Variants in CSNK1G3 observed in about 807,000 individuals in gnomAD.
CSNK1G3 encodes the protein casein kinase I isoform gamma-3.
A neutral mutation model predicts 64.3 loss-of-function variants in CSNK1G3; 23 were observed. That is an observed-to-expected ratio of 0.36 (90% CI 0.26 to 0.51). The LOEUF (loss-of-function observed/expected upper bound fraction) is 0.51. Ranked by LOEUF, CSNK1G3 falls within the 20% of genes least tolerant of loss-of-function variation. The pLI is 0.96. For missense variants in CSNK1G3, 357 were observed against 510.5 expected, an observed-to-expected ratio of 0.70 and a Z score of 2.90; for synonymous variants, 158 against 162.2, an observed-to-expected ratio of 0.97 and a Z score of 0.20.
At chr5:123,606,146 T>C (rs763552190) in intron 12 of CSNK1G3, among the ~76,000 whole-genome samples, 17 of 152,112 alleles carry the variant, frequency 1.1e-4, no homozygotes, top group Non-Finnish European at 2.1e-4. Flanking sequence ...TAGGAAACTT[T>C]TGTGGATTTT....
chr5:123,564,381 A>G (rs1786408706), intron 4 of CSNK1G3, among the ~76,000 whole-genome samples: 2 of 152,130 alleles, frequency 1.3e-5, no homozygotes, highest in Non-Finnish European at 2.9e-5. Context: ...ATATTACTAA[A>G]TATACATAAT....
chr5:123,583,892 A>G (rs530196446), intron 6 of CSNK1G3, among the ~76,000 whole-genome samples: 253 of 151,840 alleles, frequency 1.7e-3, no homozygotes, highest in African/African-American at 5.8e-3. Context: ...GGGTTTCTCT[A>G]TGTTGCCCAA....
At chr5:123,593,291 A>G (rs1792785399) in intron 10 of CSNK1G3, among the ~76,000 whole-genome samples, 1 of 151,944 alleles carries the variant, frequency 6.6e-6, no homozygotes, top group Non-Finnish European at 1.5e-5. Flanking sequence ...GGATGTGAAT[A>G]TACACACTTT....
At chr5:123,588,496 T>A (rs1294384187) in exon 8 of CSNK1G3, 1 of 1,608,808 alleles carries the variant, frequency 6.2e-7, no homozygotes, top group African/African-American at 1.3e-5. Flanking sequence ...AGAAGTGTTA[T>A]GTGAAAATTT....
chr5:123,513,489 T>G (rs1203985392), intron 1 of CSNK1G3, among the ~76,000 whole-genome samples: 4 of 152,190 alleles, frequency 2.6e-5, no homozygotes, highest in African/African-American at 9.7e-5. Context: ...TCAACTCTTT[T>G]GTAGTAAGCA....
At chr5:123,534,459 C>A (rs1019789421) in intron 1 of CSNK1G3, among the ~76,000 whole-genome samples, 1 of 151,986 alleles carries the variant, frequency 6.6e-6, no homozygotes, top group Non-Finnish European at 1.5e-5. Flanking sequence ...GGTTATGCTA[C>A]CTTATATAAT....
intron 1 of CSNK1G3, among the ~76,000 whole-genome samples, chr5:123,518,541 T>C (rs765710110): frequency 1.3e-5 from 2 of 152,196 alleles, no homozygotes; most frequent in South Asian, 2.1e-4. Flanking sequence ...AATGGATCTC[T>C]CTCTCTCTTT....
intron 1 of CSNK1G3, among the ~76,000 whole-genome samples, chr5:123,515,301 G>T (rs892274645): frequency 6.6e-6 from 1 of 152,108 alleles, no homozygotes; most frequent in Non-Finnish European, 1.5e-5. Context: ...CGGTTGTTTT[G>T]TTCCAAAGGG....
chr5:123,560,493 A>T (rs1182717238), intron 4 of CSNK1G3, among the ~76,000 whole-genome samples: 1 of 152,214 alleles, frequency 6.6e-6, no homozygotes, highest in Admixed American at 6.5e-5. Flanking sequence ...AGAAAAATGG[A>T]TAAAATGTGG....
At chr5:123,588,322 C>A in intron 7 of CSNK1G3, 105 bp from the exon 8 acceptor site, 1 of 1,098,300 alleles carries the variant, frequency 9.1e-7, no homozygotes, top group Non-Finnish European at 1.4e-6. Flanking sequence ...AGCATTCCTT[C>A]TGCCTTGGCC....
Position 123,604,716 on chromosome 5 carries a change from T to C in CSNK1G3, c.1087-8T>C, listed in dbSNP as rs1581420019. 3 of 1,596,258 alleles carry C rather than the reference T, an allele frequency of 1.9e-6. No homozygotes were observed. Among genetic ancestry groups the C allele is most frequent in the Non-Finnish European group, 1.7e-6 (2 of 1,169,934 alleles). On this transcript the variant is annotated splice_region_variant and splice_polypyrimidine_tract_variant and intron_variant, in intron 10 of 12. Transcript: ENST00000345990. Reference sequence around the variant, plus strand: ...TATACATATATAAAAAATTTTTTTTTCAAACAGGTTGTAAGTTCTACAAAT... The same window carrying C: ...TATACATATATAAAAAATTTTTTTTCCAAACAGGTTGTAAGTTCTACAAAT...
At chr5:123,558,740 C>T (rs1785106506) in intron 4 of CSNK1G3, among the ~76,000 whole-genome samples, 1 of 152,120 alleles carries the variant, frequency 6.6e-6, no homozygotes, top group African/African-American at 2.4e-5. Flanking sequence ...TTATCACTGA[C>T]AACTGGGATT....
intron 6 of CSNK1G3, among the ~76,000 whole-genome samples, chr5:123,580,226 A>G (rs1485760337): frequency 1.3e-5 from 2 of 151,884 alleles, no homozygotes; most frequent in Admixed American, 6.6e-5. Context: ...CCATTCATTC[A>G]TTCTTAGGCA....
rs760327199 is a variant in CSNK1G3 at position 123,573,630 on chromosome 5, T to C, written c.438+89T>C. The C allele has an allele frequency of 4.8e-5, 58 of 1,199,548 alleles. No individual in the cohort carries two copies. In the Admixed American group the frequency reaches 6.8e-4, roughly 14 times the overall value. The allele number at this position is 1,199,548 out of a possible 1,614,324, so 74.3% of individuals were successfully genotyped here. A position where few individuals can be genotyped will look rare whatever the true frequency, so the allele number is the denominator to read the frequency against. ...ATTAAAAGTTTAAAGTTCTGTGATA[T>C]TGTCTTACAGAGCGTTTGACGTAAT... is the stretch of plus-strand genomic sequence containing the variant. On this transcript the variant is annotated intron_variant, in intron 5 of 12. Transcript: ENST00000345990.
At chr5:123,571,893 A>C (rs1005906515) in intron 4 of CSNK1G3, among the ~76,000 whole-genome samples, 1 of 152,202 alleles carries the variant, frequency 6.6e-6, no homozygotes, top group African/African-American at 2.4e-5. Context: ...CTAAAAGAAA[A>C]TGATAGTTAT....
chr5:123,551,181 G>T (rs2150339549), intron 2 of CSNK1G3, among the ~76,000 whole-genome samples: 1 of 152,250 alleles, frequency 6.6e-6, no homozygotes, highest in Non-Finnish European at 1.5e-5. Context: ...TTCTGTCTTG[G>T]AACTCAAAAC....
chr5:123,572,215 T>A (rs1405651872), intron 4 of CSNK1G3, among the ~76,000 whole-genome samples: 2 of 152,096 alleles, frequency 1.3e-5, no homozygotes, highest in Admixed American at 1.3e-4. Context: ...CCTCCCTTCA[T>A]CTCCTTCCCT....
At chr5:123,547,060 ATC>A (rs1782648733) in intron 2 of CSNK1G3, among the ~76,000 whole-genome samples, 1 of 152,198 alleles carries the variant, frequency 6.6e-6, no homozygotes, top group East Asian at 1.9e-4. Context: ...CGTGTTTATA[ATC>A]TGTTATTATT....
intron 4 of CSNK1G3, among the ~76,000 whole-genome samples, chr5:123,571,508 C>G (rs916808832): frequency 2.0e-5 from 3 of 151,986 alleles, no homozygotes; most frequent in Non-Finnish European, 2.9e-5. Flanking sequence ...TTGTCTCATC[C>G]AAATCACTAA....
Sources: gnomAD v4.1 joint callset for allele counts (sites outside exome capture counted in the v4.1 genomes callset) on GRCh38, gnomAD v4.1.1 for gene constraint, MANE v1.5 for transcripts, NCBI Gene and HGNC (gene_info 2026-07-23, HGNC 2026-07-21) for gene names.